GUCY2F: variants seen among roughly 807,000 people sequenced by gnomAD.
GUCY2F encodes guanylate cyclase 2F, retinal.
GUCY2F carries 61 observed loss-of-function variants against 73.1 expected under a neutral mutation model. The ratio of observed to expected loss-of-function variants is 0.83; its 90% CI spans 0.68 to 1.03. GUCY2F has a LOEUF of 1.03. GUCY2F is among the 50% of genes least tolerant of loss of function. GUCY2F has a pLI of 0.00. For synonymous variants in GUCY2F, 331 were observed against 307.8 expected (o/e 1.08, Z -0.79); for missense variants, 912 against 854.3 (o/e 1.07, Z -0.84).
At position 109,385,276 on chromosome X, in the gene GUCY2F, A is replaced by T. The variant is rs751568498; in HGVS notation, c.2963T>A (p.Val988Asp). Residue 988 changes from valine (V) to aspartate (D), a missense_variant, in exon 16 of 20, where the codon GTT becomes GAT. Coordinates refer to ENST00000218006, the MANE Select transcript of GUCY2F (RefSeq NM_001522.3). Reference sequence around the variant, plus strand: ...GGTGAGGCCCACCACTCCAGCAACAACCGGCCCTATAGAGTATCAGGGGGT... The same window carrying T: ...GGTGAGGCCCACCACTCCAGCAACATCCGGCCCTATAGAGTATCAGGGGGT... Reference protein sequence around the residue: ...RIRIGLHSGPVVAGVVGLTMP... With the variant: ...RIRIGLHSGPDVAGVVGLTMP... The T allele has an allele frequency of 8.7e-7, 1 of 1,145,216 alleles. No homozygotes were observed. Among genetic ancestry groups the T allele is most frequent in the Admixed American group, 2.2e-5 (1 of 45,520 alleles). 94.4% of individuals were successfully genotyped at this position (1,145,216 alleles called of 1,213,427 possible).
chrX:109,456,544 G>A (rs13340734), intron 3 of GUCY2F, among the ~76,000 whole-genome samples: 8,063 of 111,151 alleles, frequency 0.073, 737 homozygotes, highest in African/African-American at 0.25. Flanking sequence ...GCCAGGCTGT[G>A]CTGGTCTTTG....
chrX:109,381,900 A>C (rs941623353), intron 17 of GUCY2F, among the ~76,000 whole-genome samples: 1 of 112,663 alleles, frequency 8.9e-6, no homozygotes, highest in Non-Finnish European at 1.9e-5. Context: ...ATGCAGAAAA[A>C]ATCTCAATAC....
At chrX:109,405,206 CA>C (rs1458688532) in intron 9 of GUCY2F, among the ~76,000 whole-genome samples, 1 of 111,328 alleles carries the variant, frequency 9.0e-6, no homozygotes, top group Non-Finnish European at 1.9e-5. Flanking sequence ...ATTTAACAAA[CA>C]AAAAAGTCAT....
At chrX:109,463,433 C>CTTTTT (rs755756631) in intron 3 of GUCY2F, among the ~76,000 whole-genome samples, 6 of 83,987 alleles carry the variant, frequency 7.1e-5, no homozygotes, top group African/African-American at 2.1e-4. Flanking sequence ...TTTCCTCACT[C>CTTTTT]TTTTTTTTTT....
intron 8 of GUCY2F, among the ~76,000 whole-genome samples, chrX:109,412,813 C>T (rs1003642560): frequency 3.6e-5 from 4 of 111,490 alleles, no homozygotes; most frequent in Non-Finnish European, 5.6e-5. Flanking sequence ...GGAAGTGAGA[C>T]GTGCCATTTC....
chrX:109,454,476 T>C lies in GUCY2F; in HGVS notation c.1033-617A>G, dbSNP rs371605780. ...ACCCTGACACATACGCACCCAGCTA[T>C]CTAGAGCCAAAGTTTGTAGAGTATA... On this transcript the variant is annotated intron_variant, in intron 3 of 19. Transcript: ENST00000218006. Among the ~76,000 whole-genome samples the C allele has an allele frequency of 1.4e-4, 16 of 111,713 alleles. No individual in the cohort carries two copies. The South Asian group carries it at 2.6e-3, about 18-fold the overall frequency.
chrX:109,447,957 C>T (rs765809973), intron 6 of GUCY2F, 112 bp downstream of exon 6: 6 of 366,912 alleles, frequency 1.6e-5, no homozygotes, highest in Admixed American at 4.3e-5. Context: ...GAGTACTTTA[C>T]TCTTATAGCA....
intron 17 of GUCY2F, among the ~76,000 whole-genome samples, chrX:109,378,448 C>T (rs757155945): frequency 8.9e-6 from 1 of 111,765 alleles, no homozygotes; most frequent in South Asian, 3.8e-4. Context: ...TCAGATGAGG[C>T]CTCTATGTGG....
In GUCY2F at chrX:109,475,562, T is replaced by C. The variant is rs759746430; in HGVS notation, c.375A>G (p.Gly125=). 1 of 1,211,072 alleles carries C rather than the reference T, an allele frequency of 8.3e-7. No homozygotes were observed. Among genetic ancestry groups the C allele is most frequent in the African/African-American group, 1.7e-5 (1 of 57,696 alleles). Residue 125 remains glycine (G), a synonymous_variant, in exon 2 of 20, where the codon GGA becomes GGG. Coordinates refer to ENST00000218006, the MANE Select transcript of GUCY2F (RefSeq NM_001522.3). ...CCTCGCAGTAGCCAGGGTTGGTAGG[T>C]CCAATAAATCCTGAGGCCATCTGGT... ...SHHQMASGFI[G]PTNPGYCEAA... is the part of the protein sequence containing the mutation.
intron 10 of GUCY2F, among the ~76,000 whole-genome samples, chrX:109,402,606 C>T (rs750342218): frequency 9.0e-6 from 1 of 111,231 alleles, no homozygotes; most frequent in South Asian, 3.8e-4. Context: ...CTCCTGACCT[C>T]GTGATCTGCC....
chrX:109,398,566 A>G lies in GUCY2F; in HGVS notation c.2258T>C (p.Met753Thr). The G allele has an allele frequency of 8.3e-7, 1 of 1,209,407 alleles. No individual in the cohort carries two copies. Among genetic ancestry groups the G allele is most frequent in the Non-Finnish European group, 1.1e-6 (1 of 893,891 alleles). The change falls in exon 11 of 20, where the codon ATG (methionine) becomes ACG (threonine). Residue 753 changes from methionine (M) to threonine (T), a missense_variant. Coordinates refer to ENST00000218006, the MANE Select transcript of GUCY2F (RefSeq NM_001522.3). ...CCGCTTACCTTGAGCTGGCAGATCC[A>G]TCATGCAGAATGGGGTACCCCGGAC... ...VMVRGTPFCM[M>T]DLPAQEIINR...
At chrX:109,457,363 A>G (rs1033969902) in intron 3 of GUCY2F, among the ~76,000 whole-genome samples, 2 of 112,052 alleles carry the variant, frequency 1.8e-5, no homozygotes, top group Non-Finnish European at 3.8e-5. Context: ...TCAGAAGTGT[A>G]CATTAAAACA....
chrX:109,418,148 G>A (rs986594215), intron 8 of GUCY2F, among the ~76,000 whole-genome samples: 10 of 111,429 alleles, frequency 9.0e-5, no homozygotes, highest in African/African-American at 3.2e-4. Context: ...ACATTTACTA[G>A]CACACCAATA....
At chrX:109,431,491 G>C (rs1321736030) in intron 7 of GUCY2F, among the ~76,000 whole-genome samples, 1 of 110,748 alleles carries the variant, frequency 9.0e-6, no homozygotes, top group Non-Finnish European at 1.9e-5. Context: ...GAGGTCAGGA[G>C]ATCGAGACCA....
chrX:109,448,048 AAAG>A lies in GUCY2F; in HGVS notation c.1569+18_1569+20del, dbSNP rs1285792895. On this transcript the variant is annotated intron_variant, in intron 6 of 19. Coordinates refer to ENST00000218006, the MANE Select transcript of GUCY2F (RefSeq NM_001522.3). ...GGCTACCATGTTGGACAGGGCAGCAAAAGAAGAGGATACTCCTTACCTTACTGC... is the reference window on the plus strand; with the variant it reads ...GGCTACCATGTTGGACAGGGCAGCAAAAGAGGATACTCCTTACCTTACTGC... 5.1e-6 allele frequency: 4 copies of A among 776,914 alleles called. No individual in the cohort carries two copies. Among genetic ancestry groups the A allele is most frequent in the South Asian group, 4.3e-5 (2 of 46,471 alleles). 64.0% of individuals were successfully genotyped at this position (776,914 alleles called of 1,213,427 possible).
intron 2 of GUCY2F, 58 bp downstream of exon 2, chrX:109,475,149 A>C: frequency 1.8e-6 from 2 of 1,109,730 alleles, no homozygotes; most frequent in East Asian, 6.0e-5. Context: ...AACCTTTTGG[A>C]GATTGTAATC....
intron 2 of GUCY2F, among the ~76,000 whole-genome samples, chrX:109,473,796 T>G (rs1202373833): frequency 8.9e-6 from 1 of 112,101 alleles, no homozygotes; most frequent in Non-Finnish European, 1.9e-5. Context: ...ATGTGAAACA[T>G]TCATGGAATA....
At chrX:109,401,369 C>A (rs979511016) in intron 10 of GUCY2F, among the ~76,000 whole-genome samples, 3 of 111,873 alleles carry the variant, frequency 2.7e-5, no homozygotes, top group Admixed American at 9.4e-5. Context: ...AGTCTAGAGA[C>A]CCGGGTTCAA....
rs777644543 is a variant in GUCY2F, at chrX:109,415,734, T to C, written c.1792-6566A>G. On this transcript the variant is annotated intron_variant, in intron 8 of 19. Transcript: ENST00000218006. ...CAATCCTGCTCAATCTTTGATTCGATTAATGTGATTAGTTCCTTACCCAAT... is the reference window on the plus strand; with the variant it reads ...CAATCCTGCTCAATCTTTGATTCGACTAATGTGATTAGTTCCTTACCCAAT... 3.6e-4 allele frequency among the ~76,000 whole-genome samples: 40 copies of C among 112,196 alleles called. 1 individual carries two copies. The highest frequency in any genetic ancestry group is 7.5e-5 in the Non-Finnish European group (4 of 53,139).
Sources: gnomAD v4.1 joint callset for allele counts (sites outside exome capture counted in the v4.1 genomes callset) on GRCh38, gnomAD v4.1.1 for gene constraint, MANE v1.5 for transcripts, NCBI Gene and HGNC (gene_info 2026-07-23, HGNC 2026-07-21) for gene names.